The following ABCA4 variants were observed in gnomAD, a reference collection of about 807,000 sequenced individuals.
ABCA4 encodes the protein retinal-specific phospholipid-transporting ATPase ABCA4.
In ABCA4, 196 loss-of-function variants were observed where a neutral mutation model predicts 263.7. That is an observed-to-expected ratio of 0.74 (90% CI 0.66 to 0.84). The LOEUF (loss-of-function observed/expected upper bound fraction) is 0.84. ABCA4 is among the 40% of genes least tolerant of loss of function. ABCA4 has a pLI of 0.00. For missense variants in ABCA4, 2,792 were observed against 2,855.1 expected (o/e 0.98, Z 0.50); for synonymous variants, 1,133 against 1,094.2 (o/e 1.04, Z -0.70).
In ABCA4 at chr1:94,007,647, C is replaced by T. The variant is rs147870733; in HGVS notation, c.5992G>A (p.Val1998Ile). 9.8e-5 allele frequency: 158 copies of T among 1,613,908 alleles called. No homozygotes were observed. In the African/African-American group the frequency reaches 1.1e-3, roughly 12 times the overall value. ...DTTVTSGDAT[V>I]AGKSILTNIS... ...CAGGATACTCACCTCTTGCCTGCTA[C>T]GGTGGCATCCCCTGAGGTCACTGTG... The change falls in exon 43 of 50, where the codon GTA becomes ATA. Residue 1998 changes from valine to isoleucine, a missense_variant. By Grantham distance (29) the Val-to-Ile change is conservative (BLOSUM62 3). Transcript: ENST00000370225.
chr1:94,117,875 G>C (rs930374341), intron 1 of ABCA4, among the ~76,000 whole-genome samples: 2 of 152,288 alleles, frequency 1.3e-5, no homozygotes, highest in South Asian at 4.1e-4. Context: ...GCAAACACAC[G>C]TCCCAGTTTT....
chr1:94,115,513 C>T (rs1662735132), intron 1 of ABCA4, among the ~76,000 whole-genome samples: 1 of 152,140 alleles, frequency 6.6e-6, no homozygotes, highest in Non-Finnish European at 1.5e-5. Context: ...ACTCTGAGGT[C>T]AAGTTACTGG....
chr1:94,117,002 CTTTCT>C (rs776546760), intron 1 of ABCA4, among the ~76,000 whole-genome samples: 2,616 of 110,586 alleles, frequency 0.024, 37 homozygotes, highest in South Asian at 0.033. Flanking sequence ...TTCTTTCTTT[CTTTCT>C]TTCTTTCTTT....
rs140972064 is a variant in ABCA4 at position 94,098,890 on chromosome 1, C to T, written c.672G>A (p.Thr224=). ...AGAGGGAGCACAGGGCATAGCGCAC[C>T]GTCTTTGCCCCGCGTCTCTGGCTGA... The part of the protein sequence containing the change: ...IIFSQRRGAK[T]VRYALCSLSQ... Residue 224 remains threonine (T), a synonymous_variant, in exon 6 of 50, where the codon ACG becomes ACA. Transcript: ENST00000370225. 633 of 1,614,022 alleles carry T rather than the reference C, an allele frequency of 3.9e-4. 5 individuals are homozygous for T. In the African/African-American group the frequency reaches 7.6e-3, roughly 19 times the overall value.
intron 39 of ABCA4, 137 bp from the exon 40 acceptor site, chr1:94,011,066 C>G: frequency 6.5e-7 from 1 of 1,542,934 alleles, no homozygotes; most frequent in South Asian, 1.1e-5. Flanking sequence ...TAAGGGCTGC[C>G]CTCCATCCCT....
Position 94,002,005 on chromosome 1 carries a change from A to G in ABCA4, c.6148-13T>C. The G allele has an allele frequency of 1.2e-6, 2 of 1,614,178 alleles. No individual in the cohort carries two copies. Among genetic ancestry groups the G allele is most frequent in the South Asian group, 1.1e-5 (1 of 91,086 alleles). On this transcript the variant is annotated splice_polypyrimidine_tract_variant and intron_variant, in intron 44 of 49. Transcript: ENST00000370225. The stretch of plus-strand genomic sequence containing the variant: ...TCCAGTTTGCAACCTAGGGAAGAGA[A>G]AGAAATGCCATTTGGAGAAGACAAG...
intron 26 of ABCA4, among the ~76,000 whole-genome samples, chr1:94,035,244 T>C (rs1311034822): frequency 6.6e-6 from 1 of 152,232 alleles, no homozygotes; most frequent in Non-Finnish European, 1.5e-5. Flanking sequence ...GCTTCTGATA[T>C]AAATTAGCAT....
At chr1:94,015,615 C>T (rs753401561) in intron 37 of ABCA4, 124 bp downstream of exon 37, 25 of 783,282 alleles carry the variant, frequency 3.2e-5, no homozygotes, top group Non-Finnish European at 4.9e-5. Context: ...TACCTGGGGC[C>T]GGAAGCTAAA....
At chr1:94,055,498 C>G (rs1438001182) in intron 15 of ABCA4, among the ~76,000 whole-genome samples, 183 bp from the exon 16 acceptor site, 1 of 152,110 alleles carries the variant, frequency 6.6e-6, no homozygotes, top group Non-Finnish European at 1.5e-5. Flanking sequence ...TTCAGAGTGT[C>G]TCTCTGCAAA....
At chr1:94,038,701 G>T (rs1421894606) in intron 24 of ABCA4, among the ~76,000 whole-genome samples, 1 of 152,196 alleles carries the variant, frequency 6.6e-6, no homozygotes, top group African/African-American at 2.4e-5. Context: ...TGAACCCAAA[G>T]CTGCTGGATT....
At chr1:94,024,789 G>T (rs1659990251) in intron 31 of ABCA4, among the ~76,000 whole-genome samples, 165 bp downstream of exon 31, 1 of 152,128 alleles carries the variant, frequency 6.6e-6, no homozygotes, top group Non-Finnish European at 1.5e-5. Flanking sequence ...ACTTGTATGT[G>T]CCTCAATTGC....
chr1:94,113,102 G>A (rs1662658203), intron 1 of ABCA4, 36 bp from the exon 2 acceptor site: 2 of 1,588,232 alleles, frequency 1.3e-6, no homozygotes, highest in Admixed American at 1.7e-5. Context: ...AAAGTTCAGT[G>A]GTGCTAAGAG....
At chr1:94,025,145 ATTG>A in intron 30 of ABCA4, 97 bp from the exon 31 acceptor site, 2 of 982,612 alleles carry the variant, frequency 2.0e-6, no homozygotes, top group Non-Finnish European at 3.3e-6. Context: ...TTATTTATGG[ATTG>A]AGCTGCTGAG....
intron 17 of ABCA4, 141 bp from the exon 18 acceptor site, chr1:94,049,098 C>T: frequency 1.3e-6 from 1 of 742,122 alleles, no homozygotes; most frequent in South Asian, 1.5e-5. Flanking sequence ...GGTACTCAAG[C>T]CTGATCACAC....
intron 6 of ABCA4, among the ~76,000 whole-genome samples, chr1:94,096,446 C>G (rs1254228628): frequency 6.6e-6 from 1 of 152,158 alleles, no homozygotes; most frequent in Non-Finnish European, 1.5e-5. Context: ...TTGGCCTCAG[C>G]ACAGTGCCCG....
chr1:94,104,591 T>C (rs1413583167), intron 4 of ABCA4, among the ~76,000 whole-genome samples: 1 of 152,210 alleles, frequency 6.6e-6, no homozygotes, highest in Non-Finnish European at 1.5e-5. Flanking sequence ...GGCCTGTCCA[T>C]GCAGCTGGGG....
chr1:94,093,360 G>A (rs1379094729), intron 6 of ABCA4, among the ~76,000 whole-genome samples: 9 of 152,196 alleles, frequency 5.9e-5, no homozygotes, highest in African/African-American at 2.2e-4. Context: ...GTCTAGAGCT[G>A]TAGTCAGATT....
intron 40 of ABCA4, chr1:94,010,559 A>G: frequency 1.6e-6 from 1 of 639,200 alleles, no homozygotes; most frequent in Non-Finnish European, 2.8e-6. Flanking sequence ...ATTAAATATC[A>G]GCAATTGAAA....
At chr1:94,107,424 A>G (rs531694898) in intron 4 of ABCA4, among the ~76,000 whole-genome samples, 12 of 152,320 alleles carry the variant, frequency 7.9e-5, no homozygotes, top group African/African-American at 1.4e-4. Context: ...TCCAGTGGCC[A>G]TGTCCAGTCC....
Sources: gnomAD v4.1 joint callset for allele counts (sites outside exome capture counted in the v4.1 genomes callset) on GRCh38, gnomAD v4.1.1 for gene constraint, MANE v1.5 for transcripts, NCBI Gene and HGNC (gene_info 2026-07-23, HGNC 2026-07-21) for gene names.